Variants in TRPM3 observed in about 807,000 individuals in gnomAD.
TRPM3 encodes transient receptor potential cation channel subfamily M member 3.
A neutral mutation model predicts 181.2 loss-of-function variants in TRPM3; 77 were observed. That is an observed-to-expected ratio of 0.42 (90% CI 0.35 to 0.51). The LOEUF (loss-of-function observed/expected upper bound fraction) is 0.51, where lower values mean the gene tolerates loss of function less well. Among genes scored for constraint, TRPM3 ranks in the 20% least tolerant of loss-of-function variants. The pLI, the probability that TRPM3 is intolerant of heterozygous loss-of-function variation, is 0.01. For synonymous variants in TRPM3, 745 were observed against 796.4 expected, an observed-to-expected ratio of 0.94 and a Z score of 1.09; for missense variants, 1,759 against 2,196.7, an observed-to-expected ratio of 0.80 and a Z score of 3.98.
At chr9:71,098,639 A>G (rs1014101178) in intron 1 of TRPM3, among the ~76,000 whole-genome samples, 1 of 152,210 alleles carries the variant, frequency 6.6e-6, no homozygotes, top group Non-Finnish European at 1.5e-5. Flanking sequence ...CCAGATGACC[A>G]GTTACATTCT....
At chr9:70,867,026 C>T (rs2095664012) in intron 1 of TRPM3, among the ~76,000 whole-genome samples, 2 of 151,994 alleles carry the variant, frequency 1.3e-5, no homozygotes, top group Admixed American at 6.6e-5. Context: ...ACTATCTAAG[C>T]ATGCCCAGGA....
In TRPM3 at chr9:71,032,032, AAATATATATATATAT is replaced by A. The variant is rs1565023206; in HGVS notation, c.177+89131_177+89145del. ...AATATATAATATATATATATAATAT[AAATATATATATATAT>A]ATTATATATATTATATATATTATAT... is the stretch of plus-strand genomic sequence containing the variant. On this transcript the variant is annotated intron_variant, in intron 1 of 25. Coordinates refer to ENST00000677713, the MANE Select transcript of TRPM3 (RefSeq NM_001366145.2). 2.0e-3 allele frequency among the ~76,000 whole-genome samples: 16 copies of A among 8,204 alleles called. 1 individual carries two copies. In the East Asian group the frequency reaches 0.11, roughly 58 times the overall value. 5.4% of individuals were successfully genotyped at this position (8,204 alleles called of 152,430 possible). A position where few individuals can be genotyped will look rare whatever the true frequency, so the allele number is the denominator to read the frequency against.
intron 1 of TRPM3, among the ~76,000 whole-genome samples, chr9:71,320,136 G>T (rs566658503): frequency 1.3e-4 from 20 of 151,898 alleles, no homozygotes; most frequent in African/African-American, 4.1e-4. Flanking sequence ...TCCCTAAAGT[G>T]TGAAAGGTAT....
intron 1 of TRPM3, among the ~76,000 whole-genome samples, chr9:71,260,960 T>C (rs531364121): frequency 2.0e-5 from 3 of 152,318 alleles, no homozygotes; most frequent in East Asian, 1.9e-4. Flanking sequence ...TCAACCTTGG[T>C]GAATCTGACG....
Position 70,864,521 on chromosome 9 carries a change from A to G in TRPM3, c.178-10T>C, listed in dbSNP as rs1253903029. 8 of 1,410,504 alleles carry G rather than the reference A, an allele frequency of 5.7e-6. No homozygotes were observed. The highest frequency in any genetic ancestry group is 3.4e-5 in the African/African-American group (2 of 59,148). The allele number at this position is 1,410,504 out of a possible 1,614,324, so 87.4% of individuals were successfully genotyped here. ...TCCAGGATTTCTGAGCCTGAAAAAG[A>G]AAACAAAAAAAAAAAAAAAAGAAAA... is the stretch of plus-strand genomic sequence containing the variant. On this transcript the variant is annotated splice_polypyrimidine_tract_variant and intron_variant, in intron 1 of 25. Transcript: ENST00000677713.
In TRPM3 at chr9:70,548,847, G is replaced by GCTCTCTCT. The variant is rs56761379; in HGVS notation, c.3707+687_3707+694dup. ...AATTCTCTTTATTTGAAGATCTTGT[G>GCTCTCTCT]CTCTCTCTCTCTCTCTCTCTCTTTT... On this transcript the variant is annotated intron_variant, in intron 25 of 25. Transcript: ENST00000677713. Among the ~76,000 whole-genome samples the GCTCTCTCT allele has an allele frequency of 4.3e-3, 644 of 150,080 alleles. 2 individuals are homozygous for GCTCTCTCT. The highest frequency in any genetic ancestry group is 5.7e-3 in the East Asian group (29 of 5,074).
At chr9:70,797,901 A>G in intron 6 of TRPM3, among the ~76,000 whole-genome samples, 1 of 152,130 alleles carries the variant, frequency 6.6e-6, no homozygotes, top group South Asian at 2.1e-4. Context: ...CCAATTTTGG[A>G]GTGTCATTAA....
At chr9:70,683,336 C>T (rs2065925741) in intron 8 of TRPM3, among the ~76,000 whole-genome samples, 1 of 151,722 alleles carries the variant, frequency 6.6e-6, no homozygotes, top group South Asian at 2.1e-4. Context: ...CCTTCCACTT[C>T]AGCCTCCTGA....
intron 1 of TRPM3, among the ~76,000 whole-genome samples, chr9:70,898,248 G>C (rs959806718): frequency 6.0e-5 from 9 of 149,908 alleles, no homozygotes; most frequent in Non-Finnish European, 1.3e-4. Flanking sequence ...TCAGCCTCCT[G>C]AGTAGCTGGG....
chr9:70,880,572 G>T (rs1175429938), intron 1 of TRPM3, among the ~76,000 whole-genome samples: 1 of 152,124 alleles, frequency 6.6e-6, no homozygotes, highest in African/African-American at 2.4e-5. Flanking sequence ...ATTTGCATGT[G>T]TGTATAGTTG....
At chr9:70,632,146 C>G (rs1483442094) in intron 12 of TRPM3, among the ~76,000 whole-genome samples, 1 of 152,048 alleles carries the variant, frequency 6.6e-6, no homozygotes, top group African/African-American at 2.4e-5. Flanking sequence ...TTGAAAATTG[C>G]TTTAAGTTCC....
At position 71,333,199 on chromosome 9, in the gene TRPM3, C is replaced by T. The variant is rs1410710201; in HGVS notation, c.183+113454G>A. Reference sequence around the variant, plus strand: ...GAACATGAATCCGTTAAGGGGACTGCAAGAAGTCGGCTCTGAACCAGAGAG... The same window carrying T: ...GAACATGAATCCGTTAAGGGGACTGTAAGAAGTCGGCTCTGAACCAGAGAG... On this transcript the variant is annotated intron_variant, in intron 1 of 24. Transcript: ENST00000357533. 3.9e-5 allele frequency among the ~76,000 whole-genome samples: 6 copies of T among 152,020 alleles called. No individual in the cohort carries two copies. In the East Asian group the frequency reaches 9.7e-4, roughly 25 times the overall value.
chr9:70,920,619 AG>A (rs1473031573), intron 1 of TRPM3, among the ~76,000 whole-genome samples: 1 of 152,166 alleles, frequency 6.6e-6, no homozygotes, highest in Non-Finnish European at 1.5e-5. Context: ...AGAATCCTTG[AG>A]GATTAAGAGG....
intron 1 of TRPM3, among the ~76,000 whole-genome samples, chr9:71,438,304 A>C (rs1222524642): frequency 6.6e-6 from 1 of 152,248 alleles, no homozygotes; most frequent in Non-Finnish European, 1.5e-5. Flanking sequence ...AAGTAAATAC[A>C]GTTCTAACTT....
At chr9:71,227,069 A>G (rs562699546) in intron 1 of TRPM3, among the ~76,000 whole-genome samples, 57 of 139,866 alleles carry the variant, frequency 4.1e-4, no homozygotes, top group African/African-American at 1.5e-3. Flanking sequence ...AGATCATGCC[A>G]TTGCACTCCA....
chr9:70,682,387 C>T (rs1368900291), intron 8 of TRPM3, among the ~76,000 whole-genome samples: 1 of 151,982 alleles, frequency 6.6e-6, no homozygotes, highest in Admixed American at 6.6e-5. Flanking sequence ...CTAAGCAATC[C>T]AGTTCCATAA....
chr9:71,228,454 A>C (rs1467849648), intron 1 of TRPM3, among the ~76,000 whole-genome samples: 1 of 152,196 alleles, frequency 6.6e-6, no homozygotes, highest in Admixed American at 6.5e-5. Context: ...TATTCAACAT[A>C]GTACTAGAAA....
chr9:71,147,025 G>C (rs2075447855), intron 1 of TRPM3, among the ~76,000 whole-genome samples: 1 of 152,122 alleles, frequency 6.6e-6, no homozygotes, highest in South Asian at 2.1e-4. Context: ...CCAAGTAGGG[G>C]CTAGCCGAAC....
chr9:71,016,583 G>GTCAGAAT (rs1229101296), intron 1 of TRPM3, among the ~76,000 whole-genome samples: 1 of 152,118 alleles, frequency 6.6e-6, no homozygotes, highest in Non-Finnish European at 1.5e-5. Flanking sequence ...TATAACATAT[G>GTCAGAAT]TCAGAATTTC....
Sources: gnomAD v4.1 joint callset for allele counts (sites outside exome capture counted in the v4.1 genomes callset) on GRCh38, gnomAD v4.1.1 for gene constraint, MANE v1.5 for transcripts, NCBI Gene and HGNC (gene_info 2026-07-23, HGNC 2026-07-21) for gene names.